Variants in CLNK observed in about 807,000 individuals in gnomAD.
CLNK encodes the protein cytokine dependent hematopoietic cell linker, also known as cytokine-dependent hematopoietic cell linker.
CLNK carries 74 observed loss-of-function variants against 68.6 expected under a neutral mutation model. That is an observed-to-expected ratio of 1.08 (90% CI 0.89 to 1.31). The LOEUF is 1.31. Among genes scored for constraint, CLNK ranks in the 50% most tolerant of loss-of-function variants. CLNK has a pLI of 0.00. For missense variants in CLNK, 553 were observed against 515.3 expected, an observed-to-expected ratio of 1.07 and a Z score of -0.71; for synonymous variants, 198 against 172.2, an observed-to-expected ratio of 1.15 and a Z score of -1.17.
the CLNK span, among the ~76,000 whole-genome samples, chr4:10,729,618 C>A: frequency 6.6e-6 from 1 of 152,104 alleles, no homozygotes; most frequent in Non-Finnish European, 1.5e-5. Context: ...TGAAATCATG[C>A]CTTTTGAAGC....
At chr4:10,599,977 T>G (rs1721530079) in intron 2 of CLNK, among the ~76,000 whole-genome samples, 1 of 152,196 alleles carries the variant, frequency 6.6e-6, no homozygotes, top group Non-Finnish European at 1.5e-5. Context: ...GTCACCTCCT[T>G]GAGAATCCTC....
At chr4:10,666,537 C>G (rs545615041) in intron 2 of CLNK, among the ~76,000 whole-genome samples, 2 of 152,226 alleles carry the variant, frequency 1.3e-5, no homozygotes, top group Non-Finnish European at 2.9e-5. Context: ...GGGAGTCAGA[C>G]AGACTTGAAT....
chr4:10,517,739 A>C (rs1717891174), intron 15 of CLNK, among the ~76,000 whole-genome samples: 1 of 152,206 alleles, frequency 6.6e-6, no homozygotes, highest in Non-Finnish European at 1.5e-5. Flanking sequence ...ATTCTTTTTT[A>C]ACCTTCAGTG....
intron 5 of CLNK, among the ~76,000 whole-genome samples, chr4:10,571,337 T>A (rs934018058): frequency 5.2e-5 from 7 of 133,898 alleles, no homozygotes; most frequent in Non-Finnish European, 9.9e-5. Flanking sequence ...TTTTTTTTTT[T>A]TTTTTTTTTT....
chr4:10,534,050 T>C (rs558011885), intron 11 of CLNK, among the ~76,000 whole-genome samples: 1 of 152,204 alleles, frequency 6.6e-6, no homozygotes, highest in Non-Finnish European at 1.5e-5. Context: ...TTTACTAAGA[T>C]TCTTTAACCT....
intron 2 of CLNK, among the ~76,000 whole-genome samples, chr4:10,623,007 C>T (rs1211069115): frequency 6.6e-6 from 1 of 152,152 alleles, no homozygotes; most frequent in Non-Finnish European, 1.5e-5. Context: ...AAAGTCCCCA[C>T]CTCTAAATAC....
chr4:10,581,637 G>A (rs759845901), intron 4 of CLNK, among the ~76,000 whole-genome samples: 4 of 138,162 alleles, frequency 2.9e-5, no homozygotes, highest in Non-Finnish European at 4.7e-5. Context: ...CAGACTACCC[G>A]AGTCCCCAGG....
chr4:10,495,293 G>A (rs1163682436), intron 18 of CLNK, among the ~76,000 whole-genome samples: 2 of 152,202 alleles, frequency 1.3e-5, no homozygotes, highest in Non-Finnish European at 1.5e-5. Flanking sequence ...AAACTGAGAT[G>A]CAGGGCTGAT....
At chr4:10,562,128 TCTCA>T (rs1281735195) in intron 7 of CLNK, among the ~76,000 whole-genome samples, 1 of 128,704 alleles carries the variant, frequency 7.8e-6, no homozygotes, top group East Asian at 2.4e-4. Context: ...TGAGACAGGG[TCTCA>T]CTCTGTTGCC....
At chr4:10,610,805 C>T (rs886524288) in intron 2 of CLNK, among the ~76,000 whole-genome samples, 2 of 151,288 alleles carry the variant, frequency 1.3e-5, no homozygotes, top group African/African-American at 2.4e-5. Flanking sequence ...CACACACACA[C>T]ACACACACAC....
chr4:10,687,036 T>C (rs1725297553), upstream of CLNK, among the ~76,000 whole-genome samples: 1 of 152,142 alleles, frequency 6.6e-6, no homozygotes, highest in Admixed American at 6.6e-5. Flanking sequence ...GCTTACAGCC[T>C]AGAAGAGGTG....
intron 5 of CLNK, 110 bp downstream of exon 5, chr4:10,571,631 C>T (rs367877168): frequency 2.3e-6 from 2 of 879,914 alleles, no homozygotes; most frequent in East Asian, 2.8e-5. Flanking sequence ...CCACTGCACG[C>T]AGCCTGTTAC....
rs192991297 is a variant in CLNK, at chr4:10,563,578, A to G, written c.399+1093T>C. On this transcript the variant is annotated intron_variant, in intron 7 of 18. Coordinates refer to ENST00000226951, the MANE Select transcript of CLNK (RefSeq NM_052964.4). ...AAATAAAGCAGGTATATACTAAACA[A>G]TGAGGCTTCCCCTGTTTGACAGATA... 2.4e-3 allele frequency among the ~76,000 whole-genome samples: 366 copies of G among 152,330 alleles called. 9 individuals are homozygous for G. Among genetic ancestry groups the G allele is most frequent in the East Asian group, 6.2e-3 (32 of 5,188 alleles).
Position 10,667,847 on chromosome 4 carries a change from C to CTTTTCCCTGGGCGGCT in CLNK, c.11+11_11+12insAGCCGCCCAGGGAAAA. On this transcript the variant is annotated intron_variant, in intron 2 of 18. Transcript: ENST00000226951. ...AGGGAACTGGGGCTCACAGTGATCC[C>CTTTTCCCTGGGCGGCT]ACGGTACTTACTGCCTGTTCATAGT... 1 of 1,586,412 alleles carries CTTTTCCCTGGGCGGCT rather than the reference C, an allele frequency of 6.3e-7. No individual in the cohort carries two copies. The highest frequency in any genetic ancestry group is 1.1e-5 in the South Asian group (1 of 86,970).
intron 2 of CLNK, among the ~76,000 whole-genome samples, chr4:10,648,146 AT>A (rs1216861592): frequency 2.0e-5 from 3 of 152,330 alleles, no homozygotes; most frequent in Non-Finnish European, 4.4e-5. Flanking sequence ...AAATATCTCA[AT>A]GTACAAGTTA....
intron 2 of CLNK, among the ~76,000 whole-genome samples, chr4:10,660,821 C>T (rs1199995531): frequency 6.6e-6 from 1 of 152,236 alleles, no homozygotes; most frequent in Non-Finnish European, 1.5e-5. Context: ...AAAAGTATCA[C>T]TGGCCATGTC....
intron 13 of CLNK, among the ~76,000 whole-genome samples, chr4:10,527,301 G>C (rs1451792010): frequency 2.6e-5 from 4 of 152,134 alleles, no homozygotes; most frequent in African/African-American, 9.7e-5. Context: ...CCTCCATCAG[G>C]GACCCATGGG....
chr4:10,669,166 C>T (rs1277219957), intron 1 of CLNK, among the ~76,000 whole-genome samples: 1 of 152,160 alleles, frequency 6.6e-6, no homozygotes, highest in Non-Finnish European at 1.5e-5. Context: ...TGGGAAACTA[C>T]CATTTACTGA....
Position 10,587,928 on chromosome 4 carries a change from C to T in CLNK, c.84-2973G>A, listed in dbSNP as rs1236612359. On this transcript the variant is annotated intron_variant, in intron 3 of 18. Transcript: ENST00000226951. ...AACAGTTGGCGCCCTTTCAAGCTGC[C>T]GGAGGTTCTGCAGAAATTAGCAGTA... Among the ~76,000 whole-genome samples, 6 of 152,158 alleles carry T rather than the reference C, an allele frequency of 3.9e-5. 1 individual carries two copies. Among genetic ancestry groups the T allele is most frequent in the South Asian group, 4.1e-4 (2 of 4,828 alleles).
Sources: allele counts gnomAD v4.1 joint callset (sites outside exome capture counted in the v4.1 genomes callset), GRCh38; gene constraint gnomAD v4.1.1; transcripts MANE v1.5; gene names NCBI Gene and HGNC (gene_info 2026-07-23, HGNC 2026-07-21).